Variants in TPO observed in about 807,000 individuals in gnomAD.
TPO encodes thyroid peroxidase.
Under a neutral mutation model 96.9 loss-of-function variants are expected in TPO, and 78 were observed. The ratio of observed to expected loss-of-function variants is 0.81; its 90% confidence interval spans 0.67 to 0.97. The LOEUF (loss-of-function observed/expected upper bound fraction) is 0.97, where lower values mean the gene tolerates loss of function less well. TPO is among the 50% of genes least tolerant of loss of function. TPO has a pLI of 0.00. For missense variants in TPO, 1,252 were observed against 1,274.8 expected, an observed-to-expected ratio of 0.98 and a Z score of 0.27; for synonymous variants, 547 against 538.0, an observed-to-expected ratio of 1.02 and a Z score of -0.23.
chr2:1,470,940 A>G (rs1420294232), intron 7 of TPO, among the ~76,000 whole-genome samples: 1 of 152,224 alleles, frequency 6.6e-6, no homozygotes, highest in Non-Finnish European at 1.5e-5. Context: ...TGCCATATTT[A>G]CATGGCCTGC....
chr2:1,461,085 G>A (rs539637491), intron 7 of TPO, among the ~76,000 whole-genome samples: 7 of 152,284 alleles, frequency 4.6e-5, no homozygotes, highest in African/African-American at 9.6e-5. Context: ...GGAAGGACAC[G>A]GGTAGCCCTG....
intron 10 of TPO, among the ~76,000 whole-genome samples, chr2:1,491,043 A>G (rs928504437): frequency 6.6e-6 from 1 of 151,980 alleles, no homozygotes; most frequent in African/African-American, 2.4e-5. Context: ...GGTGGCAGAC[A>G]CCTGTAATCC....
At chr2:1,386,870 T>C (rs1408983961) in intron 1 of TPO, among the ~76,000 whole-genome samples, 141 of 152,354 alleles carry the variant, frequency 9.3e-4, no homozygotes, top group Non-Finnish European at 2.2e-4. Flanking sequence ...TTTCCATGTT[T>C]AGTGCTTCCT....
At chr2:1,473,479 A>G (rs1054039903) in intron 7 of TPO, among the ~76,000 whole-genome samples, 5 of 152,236 alleles carry the variant, frequency 3.3e-5, no homozygotes, top group Non-Finnish European at 5.9e-5. Flanking sequence ...CTGTCAAGTC[A>G]ATACCGCATC....
At chr2:1,388,314 T>C (rs1237977353) in intron 1 of TPO, among the ~76,000 whole-genome samples, 2 of 152,044 alleles carry the variant, frequency 1.3e-5, no homozygotes, top group Non-Finnish European at 2.9e-5. Flanking sequence ...AGAGGTGGAG[T>C]CTACAGAGGC....
At chr2:1,380,045 A>T (rs2148341453) in intron 1 of TPO, among the ~76,000 whole-genome samples, 1 of 152,298 alleles carries the variant, frequency 6.6e-6, no homozygotes, top group African/African-American at 2.4e-5. Flanking sequence ...TACGTAGAAA[A>T]TCTATTTGTT....
intron 1 of TPO, among the ~76,000 whole-genome samples, chr2:1,402,886 C>G (rs986785199): frequency 6.6e-6 from 1 of 152,158 alleles, no homozygotes. Flanking sequence ...GGAAACTGAG[C>G]GCCAGTTTGT....
At chr2:1,528,578 A>C (rs1573577409) in intron 15 of TPO, among the ~76,000 whole-genome samples, 2 of 103,060 alleles carry the variant, frequency 1.9e-5, no homozygotes, top group African/African-American at 4.2e-5. Flanking sequence ...AAATCGCCCC[A>C]CTCTGTGCAA....
chr2:1,514,091 G>A (rs1674438494), intron 14 of TPO, among the ~76,000 whole-genome samples: 1 of 152,176 alleles, frequency 6.6e-6, no homozygotes, highest in Non-Finnish European at 1.5e-5. Context: ...TCTGCTGTCT[G>A]CAAACTGGAG....
intron 1 of TPO, among the ~76,000 whole-genome samples, chr2:1,393,761 T>C (rs978631431): frequency 1.3e-5 from 2 of 152,246 alleles, no homozygotes; most frequent in South Asian, 4.1e-4. Flanking sequence ...TGCGTGATTA[T>C]TGGAGTACAA....
At chr2:1,530,519 C>CCA (rs1677860079) in intron 15 of TPO, among the ~76,000 whole-genome samples, 1 of 127,944 alleles carries the variant, frequency 7.8e-6, no homozygotes, top group Admixed American at 7.9e-5. Flanking sequence ...CAAATCTCCC[C>CCA]CACTCTGTGC....
Position 1,416,675 on chromosome 2 carries a change from T to A in TPO, c.94+2173T>A, listed in dbSNP as rs113842952. 5.4e-3 allele frequency among the ~76,000 whole-genome samples: 820 copies of A among 152,366 alleles called. 3 individuals carry two copies. The highest frequency in any genetic ancestry group is 8.9e-3 in the Admixed American group (137 of 15,312). ...CTCCAATATTTCAAAGCTGACTTATTGTTTGCTTGAAATGTGAATGAGTTA... is the reference window on the plus strand; with the variant it reads ...CTCCAATATTTCAAAGCTGACTTATAGTTTGCTTGAAATGTGAATGAGTTA... On this transcript the variant is annotated intron_variant, in intron 2 of 16. Coordinates refer to ENST00000329066, the MANE Select transcript of TPO (RefSeq NM_001206744.2).
At chr2:1,450,245 CAT>C (rs1667190777) in intron 5 of TPO, among the ~76,000 whole-genome samples, 1 of 152,218 alleles carries the variant, frequency 6.6e-6, no homozygotes, top group African/African-American at 2.4e-5. Flanking sequence ...ACCTGGCAAA[CAT>C]ATTGACCTGT....
intron 12 of TPO, 26 bp from the exon 13 acceptor site, chr2:1,496,569 C>T: frequency 6.2e-7 from 1 of 1,613,330 alleles, no homozygotes; most frequent in East Asian, 2.2e-5. Flanking sequence ...AGTTTGACTA[C>T]ATGTCAACCT....
At chr2:1,462,517 A>AACACACACACACACACACACACAC (rs35553172) in intron 7 of TPO, among the ~76,000 whole-genome samples, 142 of 131,616 alleles carry the variant, frequency 1.1e-3, no homozygotes, top group African/African-American at 4.5e-3. Flanking sequence ...TGTGTAGGTA[A>AACACACACACACACACACACACAC]ACACACACAC....
intron 15 of TPO, among the ~76,000 whole-genome samples, chr2:1,528,934 C>A (rs1383026972): frequency 7.0e-6 from 1 of 143,396 alleles, no homozygotes; most frequent in East Asian, 2.2e-4. Context: ...GCAACCCCCA[C>A]AAATCCTCCC....
intron 14 of TPO, among the ~76,000 whole-genome samples, chr2:1,515,031 CCAAGTTTCTCAGAA>C (rs1674538216): frequency 6.6e-6 from 1 of 151,938 alleles, no homozygotes; most frequent in South Asian, 2.1e-4. Flanking sequence ...CCCCTCCAGC[CCAAGTTTCTCAGAA>C]CCAAATCCAG....
At chr2:1,460,609 T>C (rs541920546) in intron 7 of TPO, among the ~76,000 whole-genome samples, 5 of 152,348 alleles carry the variant, frequency 3.3e-5, no homozygotes, top group African/African-American at 1.2e-4. Context: ...TCCCACCTAA[T>C]AATGTAGCAA....
chr2:1,387,073 A>G (rs1373605650), intron 1 of TPO, among the ~76,000 whole-genome samples: 1 of 152,232 alleles, frequency 6.6e-6, no homozygotes, highest in Non-Finnish European at 1.5e-5. Flanking sequence ...GTTTCTGCCA[A>G]GAGATCAGCT....
Sources: gnomAD v4.1 joint callset for allele counts (sites outside exome capture counted in the v4.1 genomes callset) on GRCh38, gnomAD v4.1.1 for gene constraint, MANE v1.5 for transcripts, NCBI Gene and HGNC (gene_info 2026-07-23, HGNC 2026-07-21) for gene names.